The following PPFIA2 variants were observed in gnomAD, a reference collection of about 807,000 sequenced individuals.
The protein encoded by PPFIA2 is PPFI scaffold protein A2.
A neutral mutation model predicts 175.5 loss-of-function variants in PPFIA2; 46 were observed. The ratio of observed to expected loss-of-function variants is 0.26; its 90% CI spans 0.21 to 0.34. PPFIA2 has a LOEUF of 0.34. PPFIA2 is among the 10% of genes least tolerant of loss of function. PPFIA2 has a pLI of 1.00. For synonymous variants in PPFIA2, 568 were observed against 511.4 expected, an observed-to-expected ratio of 1.11 and a Z score of -1.49; for missense variants, 1,179 against 1,506.1, an observed-to-expected ratio of 0.78 and a Z score of 3.60.
intron 4 of PPFIA2, among the ~76,000 whole-genome samples, chr12:81,484,860 C>T (rs2058648722): frequency 1.3e-5 from 2 of 151,806 alleles, no homozygotes; most frequent in Admixed American, 6.6e-5. Flanking sequence ...AATTTAACTA[C>T]ATGTATCAAA....
At chr12:81,658,267 T>C (rs1596085466) in intron 4 of PPFIA2, among the ~76,000 whole-genome samples, 1 of 71,516 alleles carries the variant, frequency 1.4e-5, no homozygotes. Flanking sequence ...AAACTCCATC[T>C]CAAAAAAAAA....
At chr12:81,266,822 A>G in intron 30 of PPFIA2, 130 bp downstream of exon 30, 1 of 701,366 alleles carries the variant, frequency 1.4e-6, no homozygotes, top group South Asian at 1.7e-5. Context: ...ACAAACCTGG[A>G]GAAAATTATT....
At chr12:81,610,260 G>C (rs2060757626) in intron 4 of PPFIA2, among the ~76,000 whole-genome samples, 1 of 152,222 alleles carries the variant, frequency 6.6e-6, no homozygotes, top group South Asian at 2.1e-4. Context: ...GGGGTTATCT[G>C]TATCTCTTAG....
Position 81,307,667 on chromosome 12 carries a change from C to A in PPFIA2, c.2643-8285G>T, listed in dbSNP as rs891229781. ...CTCTCATTTGGTAACTTGTCCCTTC[C>A]AACCTCCACTGAGACCTTCCTAAAC... is the stretch of plus-strand genomic sequence containing the variant. On this transcript the variant is annotated intron_variant, in intron 22 of 32. Transcript: ENST00000549396. 6.6e-5 allele frequency among the ~76,000 whole-genome samples: 10 copies of A among 152,250 alleles called. No individual in the cohort carries two copies. In the East Asian group the frequency reaches 1.9e-3, roughly 29 times the overall value.
intron 22 of PPFIA2, chr12:81,302,708 G>A (rs1921052): frequency 0.4 from 180,607 of 450,218 alleles, 40,013 homozygotes; most frequent in Non-Finnish European, 0.49. Context: ...TTTGAGAGAA[G>A]TAACAATTAT....
chr12:81,375,704 T>A, intron 10 of PPFIA2, 92 bp downstream of exon 10: 1 of 1,267,020 alleles, frequency 7.9e-7, no homozygotes, highest in Non-Finnish European at 1.1e-6. Context: ...TACTCAAACA[T>A]CTGTCAAGAA....
At chr12:81,359,941 T>C (rs970811035) in intron 15 of PPFIA2, among the ~76,000 whole-genome samples, 2 of 151,970 alleles carry the variant, frequency 1.3e-5, no homozygotes, top group Non-Finnish European at 1.5e-5. Context: ...GCCTAGCTTT[T>C]CATACAGCTG....
At chr12:81,270,448 T>A (rs973074240) in intron 28 of PPFIA2, among the ~76,000 whole-genome samples, 1 of 152,190 alleles carries the variant, frequency 6.6e-6, no homozygotes, top group Non-Finnish European at 1.5e-5. Context: ...TCAATTAAAA[T>A]GAGTCAATAG....
intron 22 of PPFIA2, among the ~76,000 whole-genome samples, chr12:81,323,448 T>C (rs922684152): frequency 6.6e-6 from 1 of 152,108 alleles, no homozygotes; most frequent in African/African-American, 2.4e-5. Flanking sequence ...TTTTTATTTA[T>C]TTTTAAATAA....
At chr12:81,340,381 C>G (rs1029282510) in intron 20 of PPFIA2, among the ~76,000 whole-genome samples, 1 of 151,968 alleles carries the variant, frequency 6.6e-6, no homozygotes, top group Non-Finnish European at 1.5e-5. Context: ...AATTATGTGT[C>G]TACAGATGCT....
At chr12:81,285,412 C>T (rs1021770498) in intron 24 of PPFIA2, among the ~76,000 whole-genome samples, 8 of 152,028 alleles carry the variant, frequency 5.3e-5, no homozygotes, top group African/African-American at 9.7e-5. Flanking sequence ...CTGCCATTCA[C>T]CTAGTACCAT....
At chr12:81,526,022 G>A (rs1164383753) in intron 4 of PPFIA2, among the ~76,000 whole-genome samples, 1 of 151,914 alleles carries the variant, frequency 6.6e-6, no homozygotes. Context: ...AAAAATCCAG[G>A]TCTCAGGTCT....
chr12:81,630,097 T>TG (rs2063194444), intron 4 of PPFIA2, among the ~76,000 whole-genome samples: 1 of 152,150 alleles, frequency 6.6e-6, no homozygotes. Context: ...GGGAGACTCT[T>TG]GCAGTTGGAA....
At chr12:81,567,553 G>A (rs1435459892) in intron 4 of PPFIA2, among the ~76,000 whole-genome samples, 2 of 152,160 alleles carry the variant, frequency 1.3e-5, no homozygotes, top group Non-Finnish European at 2.9e-5. Flanking sequence ...CCAGTGAGAG[G>A]AGGGGTCTAC....
chr12:81,673,179 T>C (rs1459307550), intron 4 of PPFIA2, among the ~76,000 whole-genome samples: 1 of 151,920 alleles, frequency 6.6e-6, no homozygotes, highest in East Asian at 1.9e-4. Flanking sequence ...GGCTCATGGG[T>C]TCAACACAAG....
chr12:81,284,894 C>A (rs1164129354), intron 24 of PPFIA2, among the ~76,000 whole-genome samples: 1 of 152,098 alleles, frequency 6.6e-6, no homozygotes, highest in Non-Finnish European at 1.5e-5. Flanking sequence ...TCCCTGAATT[C>A]TTGCAGCTGA....
chr12:81,671,881 CCTTG>C (rs55865033), intron 4 of PPFIA2, among the ~76,000 whole-genome samples: 46,150 of 151,562 alleles, frequency 0.3, 7,995 homozygotes, highest in Middle Eastern at 0.4. Context: ...TTTCTATTTG[CCTTG>C]CTTGTTTCTC....
chr12:81,331,794 G>C (rs999591333), intron 21 of PPFIA2, among the ~76,000 whole-genome samples: 7 of 151,806 alleles, frequency 4.6e-5, no homozygotes, highest in Non-Finnish European at 1.0e-4. Context: ...CCCTTGTCTT[G>C]AATATCTCTT....
intron 22 of PPFIA2, among the ~76,000 whole-genome samples, chr12:81,305,199 T>C (rs1383199103): frequency 6.6e-6 from 1 of 152,162 alleles, no homozygotes; most frequent in African/African-American, 2.4e-5. Flanking sequence ...TAAATTGATC[T>C]CAATTTATAA....
Sources: gnomAD v4.1 joint callset for allele counts (sites outside exome capture counted in the v4.1 genomes callset) on GRCh38, gnomAD v4.1.1 for gene constraint, MANE v1.5 for transcripts, NCBI Gene and HGNC (gene_info 2026-07-23, HGNC 2026-07-21) for gene names.